TENM2: variants seen among roughly 807,000 people sequenced by gnomAD.
The protein encoded by TENM2 is teneurin transmembrane protein 2, also known as teneurin-2.
A neutral mutation model predicts 245.2 loss-of-function variants in TENM2; 52 were observed. The ratio of observed to expected loss-of-function variants is 0.21; its 90% CI spans 0.17 to 0.27. TENM2 has a LOEUF of 0.27. TENM2 is among the 10% of genes least tolerant of loss of function. The pLI is 1.00. For synonymous variants in TENM2, 1,363 were observed against 1,438.9 expected, an observed-to-expected ratio of 0.95 and a Z score of 1.19; for missense variants, 3,046 against 3,666.8, an observed-to-expected ratio of 0.83 and a Z score of 4.37.
intron 7 of TENM2, among the ~76,000 whole-genome samples, chr5:168,062,796 G>C (rs140302463): frequency 2.9e-3 from 437 of 152,232 alleles, no homozygotes; most frequent in African/African-American, 9.8e-3. Context: ...GCATGATTCC[G>C]TTTATGTGTT....
chr5:167,318,809 A>G (rs1286075281), intron 1 of TENM2, among the ~76,000 whole-genome samples: 1 of 152,220 alleles, frequency 6.6e-6, no homozygotes, highest in South Asian at 2.1e-4. Context: ...TTTGAGACTC[A>G]GAGCCCACAA....
the TENM2 span, chr5:167,116,520 TC>T: frequency 6.6e-6 from 1 of 152,186 alleles, no homozygotes; most frequent in African/African-American, 2.4e-5. Flanking sequence ...TCACAGGCCA[TC>T]CGTTGAGCTG....
intron 2 of TENM2, among the ~76,000 whole-genome samples, chr5:167,462,262 G>C (rs1355207548): frequency 6.9e-6 from 1 of 145,236 alleles, no homozygotes; most frequent in Non-Finnish European, 1.5e-5. Context: ...CCTTACAGGA[G>C]GGGGAGCATG....
intron 14 of TENM2, among the ~76,000 whole-genome samples, chr5:168,192,869 A>G (rs1172432037): frequency 1.3e-5 from 2 of 152,190 alleles, no homozygotes; most frequent in African/African-American, 2.4e-5. Flanking sequence ...GCCTGTTTCA[A>G]TCTGCTTCCT....
intron 2 of TENM2, among the ~76,000 whole-genome samples, chr5:167,402,876 C>T (rs1251652391): frequency 6.6e-6 from 1 of 152,066 alleles, no homozygotes; most frequent in East Asian, 1.9e-4. Flanking sequence ...CTTGGGTGAC[C>T]AGTCTTAAAT....
chr5:167,011,257 G>C, the TENM2 span, among the ~76,000 whole-genome samples: 2 of 152,132 alleles, frequency 1.3e-5, no homozygotes, highest in Non-Finnish European at 2.9e-5. Flanking sequence ...AAAAAGCATG[G>C]TAAAATCCAT....
chr5:168,054,716 C>T (rs1789393567), intron 6 of TENM2, among the ~76,000 whole-genome samples: 1 of 152,156 alleles, frequency 6.6e-6, no homozygotes, highest in Non-Finnish European at 1.5e-5. Flanking sequence ...TCATTTTGCT[C>T]AACATCAGTC....
intron 2 of TENM2, among the ~76,000 whole-genome samples, chr5:167,682,114 C>T (rs1227942321): frequency 2.2e-5 from 3 of 138,964 alleles, no homozygotes; most frequent in Non-Finnish European, 3.2e-5. Flanking sequence ...CCCTCCCTCC[C>T]TCCCTCCCTC....
chr5:168,026,148 C>A (rs1016400848), intron 5 of TENM2, among the ~76,000 whole-genome samples: 3 of 152,092 alleles, frequency 2.0e-5, no homozygotes, highest in Non-Finnish European at 2.9e-5. Context: ...CTTGGCCTCC[C>A]AGGAACAGCA....
intron 2 of TENM2, among the ~76,000 whole-genome samples, chr5:167,790,356 G>T (rs1764865078): frequency 6.6e-6 from 1 of 152,136 alleles, no homozygotes; most frequent in Admixed American, 6.6e-5. Flanking sequence ...CTAAAAAAAG[G>T]AACATGCCCA....
intron 2 of TENM2, among the ~76,000 whole-genome samples, chr5:167,454,452 C>CTGTGTGTGTG (rs5873036): frequency 2.9e-4 from 43 of 150,596 alleles, no homozygotes; most frequent in Non-Finnish European, 5.5e-4. Flanking sequence ...CTAGAAATAA[C>CTGTGTGTGTG]TGTGTGTGTG....
intron 5 of TENM2, among the ~76,000 whole-genome samples, chr5:168,001,530 T>C (rs1784422297): frequency 6.6e-6 from 1 of 152,218 alleles, no homozygotes; most frequent in Admixed American, 6.5e-5. Flanking sequence ...AGAAAAGAAC[T>C]ATTATATGGT....
chr5:167,340,988 T>TCCCTCTTGGTTTGCAGA lies in TENM2; in HGVS notation c.227-34192_227-34176dup, dbSNP rs569464142. ...CTGTCATGCTTTCTCTCTCCTCCCGTCCCTCTTGGTTTGCAGACCCTCTTG... is the reference window on the plus strand; with the variant it reads ...CTGTCATGCTTTCTCTCTCCTCCCGTCCCTCTTGGTTTGCAGACCCTCTTGGTTTGCAGACCCTCTTG... On this transcript the variant is annotated intron_variant, in intron 1 of 28. Transcript: ENST00000518659. Among the ~76,000 whole-genome samples, 381 of 152,270 alleles carry TCCCTCTTGGTTTGCAGA rather than the reference T, an allele frequency of 2.5e-3. 6 individuals are homozygous for TCCCTCTTGGTTTGCAGA. The highest frequency in any genetic ancestry group is 8.7e-3 in the African/African-American group (363 of 41,558).
chr5:167,268,850 C>T, the TENM2 span, among the ~76,000 whole-genome samples: 2 of 150,718 alleles, frequency 1.3e-5, no homozygotes, highest in Non-Finnish European at 2.9e-5. Flanking sequence ...TGCTAGGCCT[C>T]AGCACATCCT....
chr5:167,501,692 G>A (rs960286451), intron 2 of TENM2, among the ~76,000 whole-genome samples: 1 of 152,174 alleles, frequency 6.6e-6, no homozygotes, highest in Non-Finnish European at 1.5e-5. Flanking sequence ...GGTTGAGAAA[G>A]TGTGAGGACT....
At chr5:167,156,887 T>G in the TENM2 span, among the ~76,000 whole-genome samples, 5 of 152,220 alleles carry the variant, frequency 3.3e-5, no homozygotes, top group African/African-American at 1.2e-4. Flanking sequence ...TTAAGTTATA[T>G]TCTAAGGGAG....
intron 2 of TENM2, among the ~76,000 whole-genome samples, chr5:167,861,519 G>A (rs1344795719): frequency 6.6e-6 from 1 of 152,164 alleles, no homozygotes; most frequent in Admixed American, 6.5e-5. Context: ...ATCTGGGCCC[G>A]GGTGCCCGTC....
intron 3 of TENM2, among the ~76,000 whole-genome samples, chr5:167,909,004 CTTA>C (rs1561922680): frequency 6.7e-6 from 1 of 150,000 alleles, no homozygotes; most frequent in Admixed American, 6.6e-5. Flanking sequence ...ATATTTAATT[CTTA>C]TTATGATTCC....
intron 2 of TENM2, among the ~76,000 whole-genome samples, chr5:167,727,943 A>T (rs1329599590): frequency 6.6e-6 from 1 of 152,072 alleles, no homozygotes; most frequent in African/African-American, 2.4e-5. Flanking sequence ...TTTGTGTCTC[A>T]TTGGGAACTT....
Sources: allele counts gnomAD v4.1 joint callset (sites outside exome capture counted in the v4.1 genomes callset), GRCh38; gene constraint gnomAD v4.1.1; transcripts MANE v1.5; gene names NCBI Gene and HGNC (gene_info 2026-07-23, HGNC 2026-07-21).